CPNE4: variants seen among roughly 807,000 people sequenced by gnomAD.
CPNE4 encodes the protein copine 4, also known as copine-4.
CPNE4 carries 25 observed loss-of-function variants against 67.9 expected under a neutral mutation model. The observed-to-expected ratio is 0.37, with a 90% confidence interval of 0.27 to 0.51. The LOEUF is 0.51. Ranked by LOEUF, CPNE4 falls within the 20% of genes least tolerant of loss-of-function variation. The pLI, the probability that CPNE4 is intolerant of heterozygous loss-of-function variation, is 0.93. For synonymous variants in CPNE4, 242 were observed against 244.9 expected, an observed-to-expected ratio of 0.99 and a Z score of 0.11; for missense variants, 464 against 690.8, an observed-to-expected ratio of 0.67 and a Z score of 3.68.
intron 7 of CPNE4, among the ~76,000 whole-genome samples, chr3:131,617,268 T>C (rs1400331414): frequency 6.6e-6 from 1 of 152,210 alleles, no homozygotes; most frequent in Non-Finnish European, 1.5e-5. Context: ...TTCATGGTAG[T>C]ATTGCTTTTA....
chr3:131,685,560 G>C (rs983773536), intron 6 of CPNE4, among the ~76,000 whole-genome samples: 1 of 152,148 alleles, frequency 6.6e-6, no homozygotes, highest in African/African-American at 2.4e-5. Flanking sequence ...GAGGCGGGTG[G>C]ATCATGAGGT....
intron 2 of CPNE4, among the ~76,000 whole-genome samples, chr3:131,783,428 C>CCAT (rs574331722): frequency 8.9e-4 from 135 of 152,156 alleles, no homozygotes; most frequent in African/African-American, 3.2e-3. Flanking sequence ...TTGGGTTCTG[C>CCAT]CATCAGATGA....
intron 7 of CPNE4, among the ~76,000 whole-genome samples, chr3:131,594,018 G>A (rs1415761466): frequency 1.3e-5 from 2 of 152,036 alleles, no homozygotes; most frequent in Non-Finnish European, 2.9e-5. Flanking sequence ...ACGCCTGCCC[G>A]GCCTTCCAGG....
At chr3:131,867,521 C>CT (rs199716268) in intron 2 of CPNE4, among the ~76,000 whole-genome samples, 1 of 92,038 alleles carries the variant, frequency 1.1e-5, no homozygotes. Context: ...GGAAGGCATG[C>CT]GGGTGGGGGG....
chr3:131,835,124 A>C (rs1395004674), intron 2 of CPNE4, among the ~76,000 whole-genome samples: 4 of 152,184 alleles, frequency 2.6e-5, no homozygotes, highest in Admixed American at 6.5e-5. Flanking sequence ...TGGTTGGGCT[A>C]GTGATGAAGG....
At chr3:131,641,201 A>T (rs2079531648) in intron 7 of CPNE4, among the ~76,000 whole-genome samples, 1 of 152,194 alleles carries the variant, frequency 6.6e-6, no homozygotes, top group Admixed American at 6.5e-5. Flanking sequence ...TCTGCACAGT[A>T]AAAGAAATAA....
intron 1 of CPNE4, among the ~76,000 whole-genome samples, chr3:131,958,971 T>TAAGTTTCAATTATCCTATATATAATA (rs1560682558): frequency 0.01 from 212 of 20,746 alleles, 19 homozygotes; most frequent in South Asian, 0.013. Flanking sequence ...TACACCTTTC[T>TAAGTTTCAATTATCCTATATATAATA]TTTTTTTTTT....
At chr3:131,876,344 G>A (rs996989702) in intron 2 of CPNE4, among the ~76,000 whole-genome samples, 1 of 151,918 alleles carries the variant, frequency 6.6e-6, no homozygotes, top group Non-Finnish European at 1.5e-5. Context: ...TTATTATTAT[G>A]AGACATTCTT....
At chr3:131,623,123 C>T (rs926183596) in intron 7 of CPNE4, among the ~76,000 whole-genome samples, 1 of 151,982 alleles carries the variant, frequency 6.6e-6, no homozygotes, top group Non-Finnish European at 1.5e-5. Flanking sequence ...ATTCTGTCTG[C>T]GATGTCTATA....
chr3:131,805,810 C>A (rs1407716323), intron 2 of CPNE4, among the ~76,000 whole-genome samples: 2 of 152,168 alleles, frequency 1.3e-5, no homozygotes. Flanking sequence ...TTCCACTGTG[C>A]CCTACTGGTT....
chr3:131,814,188 C>T (rs984065147), intron 2 of CPNE4, among the ~76,000 whole-genome samples: 3 of 152,136 alleles, frequency 2.0e-5, no homozygotes, highest in African/African-American at 7.2e-5. Flanking sequence ...AAACAGCTCC[C>T]CAGTCTCAGA....
chr3:131,817,249 A>G (rs1265221644), intron 2 of CPNE4, among the ~76,000 whole-genome samples: 3 of 152,166 alleles, frequency 2.0e-5, no homozygotes, highest in Admixed American at 2.0e-4. Flanking sequence ...AGTTTGCGAT[A>G]TTAAATGAAT....
chr3:131,620,506 C>T (rs1940405218), intron 7 of CPNE4: 4 of 980,992 alleles, frequency 4.1e-6, no homozygotes, highest in Non-Finnish European at 3.6e-6. Flanking sequence ...TGATGGTAGG[C>T]AGAATAATGG....
chr3:131,823,253 T>C (rs2107974394), intron 2 of CPNE4, among the ~76,000 whole-genome samples: 1 of 152,372 alleles, frequency 6.6e-6, no homozygotes, highest in East Asian at 1.9e-4. Context: ...TCACATACTA[T>C]TCAGTCCTCA....
intron 2 of CPNE4, among the ~76,000 whole-genome samples, chr3:131,794,564 G>A (rs1474458576): frequency 6.6e-6 from 1 of 152,170 alleles, no homozygotes; most frequent in Non-Finnish European, 1.5e-5. Flanking sequence ...TTCTAGGGAT[G>A]TGGTTGACTT....
Position 131,552,420 on chromosome 3 carries a change from T to G in CPNE4, c.1168+20A>C. The G allele has an allele frequency of 6.2e-7, 1 of 1,609,318 alleles. No individual in the cohort carries two copies. Among genetic ancestry groups the G allele is most frequent in the Non-Finnish European group, 8.5e-7 (1 of 1,176,304 alleles). On this transcript the variant is annotated intron_variant, in intron 13 of 15. Coordinates refer to ENST00000429747, the MANE Select transcript of CPNE4 (RefSeq NM_130808.3). Reference sequence around the variant, plus strand: ...AAGGGAAGGACTGTGACACTGGCTTTCTTTCACGTTGTGCTTTACCTGCAC... The same window carrying G: ...AAGGGAAGGACTGTGACACTGGCTTGCTTTCACGTTGTGCTTTACCTGCAC...
At chr3:131,935,250 G>A (rs943903270) in intron 1 of CPNE4, among the ~76,000 whole-genome samples, 2 of 152,092 alleles carry the variant, frequency 1.3e-5, no homozygotes, top group African/African-American at 4.8e-5. Context: ...GAGAGTACTT[G>A]CAAGAGAGAG....
At chr3:131,755,949 T>G (rs2082740790) in intron 2 of CPNE4, among the ~76,000 whole-genome samples, 1 of 152,186 alleles carries the variant, frequency 6.6e-6, no homozygotes. Context: ...ATAAAGTTTC[T>G]ATTTCCTTCT....
chr3:131,550,212 A>G, intron 13 of CPNE4, 132 bp from the exon 14 acceptor site: 4 of 872,564 alleles, frequency 4.6e-6, no homozygotes, highest in Non-Finnish European at 6.8e-6. Flanking sequence ...TTCTTAAGAT[A>G]AAAAGGAATA....
Sources: allele counts gnomAD v4.1 joint callset (sites outside exome capture counted in the v4.1 genomes callset), GRCh38; gene constraint gnomAD v4.1.1; transcripts MANE v1.5; gene names NCBI Gene and HGNC (gene_info 2026-07-23, HGNC 2026-07-21).